Variants in REEP1 observed in about 807,000 individuals in gnomAD.
The protein encoded by REEP1 is receptor expression-enhancing protein 1.
A neutral mutation model predicts 40.3 loss-of-function variants in REEP1; 22 were observed. The observed-to-expected ratio is 0.55, with a 90% confidence interval of 0.39 to 0.78. The LOEUF (loss-of-function observed/expected upper bound fraction) is 0.78, where lower values mean the gene tolerates loss of function less well. Among genes scored for constraint, REEP1 ranks in the 30% least tolerant of loss-of-function variants. The pLI is 0.00. For synonymous variants in REEP1, 116 were observed against 139.2 expected (o/e 0.83, Z 1.17); for missense variants, 280 against 361.1 (o/e 0.78, Z 1.82).
intron 1 of REEP1, among the ~76,000 whole-genome samples, chr2:86,326,233 T>A (rs1342412494): frequency 2.0e-5 from 3 of 152,188 alleles, no homozygotes; most frequent in Non-Finnish European, 4.4e-5. Context: ...CATCTTTATA[T>A]CCCTGGTGGC....
intron 5 of REEP1, among the ~76,000 whole-genome samples, chr2:86,245,847 C>T (rs551508402): frequency 6.6e-6 from 1 of 151,690 alleles, no homozygotes; most frequent in Non-Finnish European, 1.5e-5. Flanking sequence ...TCACTGCAAG[C>T]TCCGCCTCCC....
At chr2:86,222,311 A>T (rs1674472917) in intron 7 of REEP1, among the ~76,000 whole-genome samples, 1 of 152,310 alleles carries the variant, frequency 6.6e-6, no homozygotes, top group African/African-American at 2.4e-5. Flanking sequence ...TCCAAGCAGG[A>T]ATAGAAACAA....
chr2:86,235,553 A>C (rs898570830), intron 5 of REEP1, among the ~76,000 whole-genome samples: 3 of 152,224 alleles, frequency 2.0e-5, no homozygotes, highest in African/African-American at 7.2e-5. Context: ...AAAGGTTGCT[A>C]TTGAAAGCAG....
At chr2:86,265,157 T>C (rs1677070782) in intron 2 of REEP1, among the ~76,000 whole-genome samples, 1 of 152,160 alleles carries the variant, frequency 6.6e-6, no homozygotes, top group Non-Finnish European at 1.5e-5. Flanking sequence ...AATATAGATA[T>C]AAATACATAT....
chr2:86,326,603 T>A (rs1368828553), intron 1 of REEP1, among the ~76,000 whole-genome samples: 1 of 151,936 alleles, frequency 6.6e-6, no homozygotes, highest in Non-Finnish European at 1.5e-5. Flanking sequence ...TCCCAGCTAC[T>A]TAGGAGGCTG....
chr2:86,318,815 C>T (rs564453312), intron 1 of REEP1, among the ~76,000 whole-genome samples: 2 of 152,086 alleles, frequency 1.3e-5, no homozygotes, highest in South Asian at 4.2e-4. Context: ...GATGGTTAGA[C>T]AAGAGGGAAA....
intron 1 of REEP1, chr2:86,297,603 C>G: frequency 1.4e-6 from 1 of 690,984 alleles, no homozygotes; most frequent in Non-Finnish European, 1.8e-6. Flanking sequence ...GCTGGGAGAC[C>G]AAGAACAGCC....
chr2:86,237,184 G>A (rs1259211887), intron 5 of REEP1, among the ~76,000 whole-genome samples: 2 of 150,890 alleles, frequency 1.3e-5, no homozygotes, highest in African/African-American at 4.8e-5. Flanking sequence ...AAGCCCCTGA[G>A]TGTTTAATTA....
chr2:86,330,722 A>T (rs1295723796), intron 1 of REEP1, among the ~76,000 whole-genome samples: 3 of 152,032 alleles, frequency 2.0e-5, no homozygotes, highest in Non-Finnish European at 1.5e-5. Context: ...CTGGGATTAC[A>T]CGGTCAGCCA....
intron 1 of REEP1, among the ~76,000 whole-genome samples, chr2:86,298,130 A>T (rs535516133): frequency 6.6e-5 from 10 of 152,244 alleles, no homozygotes; most frequent in South Asian, 4.2e-4. Flanking sequence ...GCAGGTAGGG[A>T]AGGGCATGCT....
intron 1 of REEP1, among the ~76,000 whole-genome samples, chr2:86,305,193 C>A (rs534717787): frequency 4.2e-4 from 64 of 152,154 alleles, no homozygotes; most frequent in Non-Finnish European, 1.8e-4. Flanking sequence ...CCAGATGGTC[C>A]CTCTAGTCTT....
intron 1 of REEP1, among the ~76,000 whole-genome samples, chr2:86,302,221 G>A (rs879366208): frequency 1.2e-4 from 19 of 152,228 alleles, no homozygotes; most frequent in Non-Finnish European, 1.6e-4. Context: ...CTGAGAACAC[G>A]GGCCCTTGTC....
chr2:86,228,288 C>T (rs1475350301), intron 6 of REEP1, among the ~76,000 whole-genome samples: 1 of 152,158 alleles, frequency 6.6e-6, no homozygotes, highest in Non-Finnish European at 1.5e-5. Context: ...GTCTGCCTGC[C>T]AGGAGCTTGC....
chr2:86,325,289 A>G (rs1680455350), intron 1 of REEP1, among the ~76,000 whole-genome samples: 1 of 152,182 alleles, frequency 6.6e-6, no homozygotes, highest in South Asian at 2.1e-4. Flanking sequence ...TAGAACATCA[A>G]AGTGTTCCCT....
At chr2:86,217,171 C>T (rs1674159709) in intron 8 of REEP1, 61 bp from the exon 9 acceptor site, 3 of 1,429,376 alleles carry the variant, frequency 2.1e-6, no homozygotes, top group Admixed American at 3.4e-5. Flanking sequence ...CTTTTGAGGT[C>T]AGCACCTGGA....
chr2:86,258,217 G>C (rs1044427338), intron 3 of REEP1, among the ~76,000 whole-genome samples: 1 of 152,196 alleles, frequency 6.6e-6, no homozygotes, highest in Non-Finnish European at 1.5e-5. Context: ...TCTGTCAGAG[G>C]GGTCTCTGTT....
At chr2:86,254,847 A>G in intron 3 of REEP1, 33 bp from the exon 4 acceptor site, 1 of 1,611,994 alleles carries the variant, frequency 6.2e-7, no homozygotes, top group Non-Finnish European at 8.5e-7. Flanking sequence ...AAGTTCTGTT[A>G]GGTTCTCAGC....
At chr2:86,277,576 A>G (rs1317845831) in intron 2 of REEP1, among the ~76,000 whole-genome samples, 1 of 149,054 alleles carries the variant, frequency 6.7e-6, no homozygotes, top group Non-Finnish European at 1.5e-5. Context: ...AAAAAAAGTC[A>G]ATGGGTCATT....
chr2:86,294,969 A>T (rs1483259390), intron 1 of REEP1, among the ~76,000 whole-genome samples: 3 of 152,216 alleles, frequency 2.0e-5, no homozygotes, highest in African/African-American at 7.2e-5. Flanking sequence ...AAGAACAAGG[A>T]TTGTGTGAAA....
Sources: gnomAD v4.1 joint callset for allele counts (sites outside exome capture counted in the v4.1 genomes callset) on GRCh38, gnomAD v4.1.1 for gene constraint, MANE v1.5 for transcripts, NCBI Gene and HGNC (gene_info 2026-07-23, HGNC 2026-07-21) for gene names.